Variants in CC2D2A observed in about 807,000 individuals in gnomAD.
CC2D2A encodes coiled-coil and C2 domain-containing protein 2A.
In CC2D2A, 155 loss-of-function variants were observed where a neutral mutation model predicts 212.9. The ratio of observed to expected loss-of-function variants is 0.73; its 90% CI spans 0.64 to 0.83. The LOEUF (loss-of-function observed/expected upper bound fraction) is 0.83. Ranked by LOEUF, CC2D2A falls within the 40% of genes least tolerant of loss-of-function variation. The pLI, the probability that CC2D2A is intolerant of heterozygous loss-of-function variation, is 0.00. For missense variants in CC2D2A, 1,856 were observed against 1,956.2 expected (o/e 0.95, Z 0.97); for synonymous variants, 667 against 686.5 (o/e 0.97, Z 0.44).
intron 17 of CC2D2A, among the ~76,000 whole-genome samples, chr4:15,541,488 A>C (rs773540266): frequency 1.1e-4 from 16 of 152,096 alleles, no homozygotes; most frequent in Middle Eastern, 3.2e-3. Flanking sequence ...TGGAAGAAAG[A>C]GATCTGTTCC....
rs144943638 is a variant in CC2D2A, at chr4:15,528,957, C to T, written c.1466+231C>T. Among the ~76,000 whole-genome samples, 586 of 152,320 alleles carry T rather than the reference C, an allele frequency of 3.8e-3. 4 individuals carry two copies. The highest frequency in any genetic ancestry group is 0.013 in the African/African-American group (554 of 41,566). ...GTGTAAGGGAAAAGTGCTACAGCTA[C>T]CGCTTCTGAGAGCAGCTTGGCCCCA... On this transcript the variant is annotated intron_variant, in intron 13 of 36. Transcript: ENST00000424120.
intron 6 of CC2D2A, among the ~76,000 whole-genome samples, chr4:15,506,546 TACACAGCCAAG>T (rs1342312261): frequency 6.6e-6 from 1 of 152,236 alleles, no homozygotes; most frequent in Non-Finnish European, 1.5e-5. Flanking sequence ...GGCTTGCCTA[TACACAGCCAAG>T]TTTCTCTCTC....
At chr4:15,544,054 C>A (rs1481606134) in intron 17 of CC2D2A, 1 of 152,180 alleles carries the variant, frequency 6.6e-6, no homozygotes, top group East Asian at 1.9e-4. Flanking sequence ...GAATGCCTTG[C>A]TAGGGAGAGT....
intron 14 of CC2D2A, among the ~76,000 whole-genome samples, chr4:15,535,504 T>TAAGG (rs1718080709): frequency 1.3e-5 from 2 of 152,164 alleles, no homozygotes; most frequent in African/African-American, 2.4e-5. Context: ...TCTAGCCACC[T>TAAGG]TATAATAAAG....
chr4:15,502,790 A>G (rs1430117945), intron 5 of CC2D2A, 32 bp from the exon 6 acceptor site: 1 of 1,540,380 alleles, frequency 6.5e-7, no homozygotes, highest in East Asian at 2.3e-5. Flanking sequence ...TCCTGACATC[A>G]TGTAGCAGTA....
rs188881010 is a variant in CC2D2A, at chr4:15,513,601, C to T, written c.718-1106C>T. Among the ~76,000 whole-genome samples the T allele has an allele frequency of 2.6e-5, 4 of 152,320 alleles. No individual in the cohort carries two copies. In the East Asian group the frequency reaches 5.8e-4, roughly 22 times the overall value. On this transcript the variant is annotated intron_variant, in intron 8 of 36. Coordinates refer to ENST00000424120, the MANE Select transcript of CC2D2A (RefSeq NM_001378615.1). ...TGCCCAGACACTTTTAAAGTATTTT[C>T]GTCTTCAAGGTTCATTTAGCCTTTT...
At chr4:15,537,537 C>T (rs1177637727) in intron 15 of CC2D2A, among the ~76,000 whole-genome samples, 1 of 152,198 alleles carries the variant, frequency 6.6e-6, no homozygotes, top group African/African-American at 2.4e-5. Flanking sequence ...GCTCACTGTG[C>T]TTACATGCCT....
At chr4:15,545,471 G>C (rs999280321) in intron 17 of CC2D2A, among the ~76,000 whole-genome samples, 1 of 152,118 alleles carries the variant, frequency 6.6e-6, no homozygotes, top group Non-Finnish European at 1.5e-5. Context: ...AGTCCAGCTA[G>C]GATATAAGGG....
intron 31 of CC2D2A, 60 bp from the exon 32 acceptor site, chr4:15,587,756 A>T: frequency 1.1e-6 from 1 of 912,696 alleles, no homozygotes; most frequent in South Asian, 1.4e-5. Flanking sequence ...AGAATCCTGC[A>T]CAACCAATCC....
Position 15,567,474 on chromosome 4 carries a change from C to G in CC2D2A, c.3280C>G (p.Leu1094Val), listed in dbSNP as rs200518703. Residue 1094 changes from leucine to valine, a missense_variant, in exon 25 of 37, where the codon CTC becomes GTC. Physicochemically the swap from Leu to Val is conservative, Grantham distance 32. This residue lies in a region of CC2D2A where 1,512 missense variants were observed against 1,579.3 expected (regional missense o/e 0.96). Transcript: ENST00000424120. Reference protein sequence around the residue: ...YSPTHNADYPLGQVLVRPFVE... With the variant: ...YSPTHNADYPVGQVLVRPFVE... Reference sequence around the variant, plus strand: ...CCCAACCCACAATGCTGACTACCCCCTCGGCCAGGTGAGAGATGCTGGACT... The same window carrying G: ...CCCAACCCACAATGCTGACTACCCCGTCGGCCAGGTGAGAGATGCTGGACT... The G allele has an allele frequency of 3.0e-5, 48 of 1,612,586 alleles. No homozygotes were observed. In the African/African-American group the frequency reaches 6.0e-4, roughly 20 times the overall value.
intron 23 of CC2D2A, among the ~76,000 whole-genome samples, chr4:15,562,785 C>T (rs1331742339): frequency 6.6e-6 from 1 of 152,258 alleles, no homozygotes; most frequent in Non-Finnish European, 1.5e-5. Context: ...CCAGGATTCA[C>T]ACCCAGTTCT....
intron 11 of CC2D2A, among the ~76,000 whole-genome samples, chr4:15,517,387 C>T (rs1262891709): frequency 6.6e-6 from 1 of 152,200 alleles, no homozygotes; most frequent in Non-Finnish European, 1.5e-5. Context: ...ACATTTGCTG[C>T]AGGACCACTT....
intron 17 of CC2D2A, among the ~76,000 whole-genome samples, chr4:15,544,507 G>A (rs1449746045): frequency 6.6e-6 from 1 of 152,102 alleles, no homozygotes; most frequent in Non-Finnish European, 1.5e-5. Flanking sequence ...AAAGGAAGTG[G>A]GCCAGGAGAC....
chr4:15,601,300 A>G lies in CC2D2A; in HGVS notation c.4738A>G (p.Ser1580Gly), dbSNP rs377460557. 11 of 1,612,252 alleles carry G rather than the reference A, an allele frequency of 6.8e-6. No homozygotes were observed. In the Middle Eastern group the frequency reaches 4.9e-4, roughly 72 times the overall value. The stretch of plus-strand genomic sequence containing the variant: ...GAAGCCTTTAATTGACGCTGTGTAT[A>G]GTACTGGAGTACATAATATTGATGT... ...EVKPLIDAVY[S>G]TGVHNIDVPN... is the part of the protein sequence containing the mutation. The change falls in exon 37 of 37, where the codon AGT becomes GGT. Residue 1580 changes from serine to glycine, a missense_variant. By Grantham distance (56) the Ser-to-Gly change is moderately conservative. Transcript: ENST00000424120.
chr4:15,592,727 C>T (rs1285346760), intron 33 of CC2D2A, among the ~76,000 whole-genome samples: 1 of 152,150 alleles, frequency 6.6e-6, no homozygotes, highest in African/African-American at 2.4e-5. Context: ...GTGGCTCTAT[C>T]TAGTTTATCC....
At chr4:15,587,468 TTAAG>T (rs1462205026) in intron 31 of CC2D2A, among the ~76,000 whole-genome samples, 7 of 152,236 alleles carry the variant, frequency 4.6e-5, no homozygotes, top group South Asian at 2.1e-4. Context: ...TGTTCTAGAA[TTAAG>T]TAAGTTTAAT....
At chr4:15,583,790 A>G (rs1720748409) in intron 30 of CC2D2A, among the ~76,000 whole-genome samples, 1 of 152,080 alleles carries the variant, frequency 6.6e-6, no homozygotes, top group Non-Finnish European at 1.5e-5. Flanking sequence ...TCTACTAAAA[A>G]TACAAAAAAA....
chr4:15,568,772 G>A (rs1237454974), intron 26 of CC2D2A, among the ~76,000 whole-genome samples: 1 of 152,212 alleles, frequency 6.6e-6, no homozygotes, highest in Admixed American at 6.5e-5. Context: ...TAGACTCAGA[G>A]TGGGTTATGT....
At chr4:15,475,263 G>A (rs1357518798) in intron 1 of CC2D2A, among the ~76,000 whole-genome samples, 3 of 152,230 alleles carry the variant, frequency 2.0e-5, no homozygotes, top group Non-Finnish European at 4.4e-5. Flanking sequence ...AACAGAGTGA[G>A]ACTTCGTCTC....
Sources: gnomAD v4.1 joint callset for allele counts (sites outside exome capture counted in the v4.1 genomes callset) on GRCh38, gnomAD v4.1.1 for gene constraint, gnomAD v4.1.1 regional missense constraint, MANE v1.5 for transcripts, NCBI Gene and HGNC (gene_info 2026-07-23, HGNC 2026-07-21) for gene names.